Variants in C12orf56 observed in about 807,000 individuals in gnomAD.
C12orf56 encodes the protein uncharacterized protein C12orf56.
C12orf56 carries 71 observed loss-of-function variants against 69.9 expected under a neutral mutation model. That is an observed-to-expected ratio of 1.02 (90% CI 0.84 to 1.24). The LOEUF (loss-of-function observed/expected upper bound fraction) is 1.24, where lower values mean the gene tolerates loss of function less well. C12orf56 is among the 50% of genes most tolerant of loss of function. The pLI is 0.00. For missense variants in C12orf56, 732 were observed against 738.5 expected (o/e 0.99, Z 0.10); for synonymous variants, 276 against 274.1 (o/e 1.01, Z -0.07).
intron 6 of C12orf56, among the ~76,000 whole-genome samples, chr12:64,301,210 T>A (rs1048703179): frequency 6.6e-6 from 1 of 152,148 alleles, no homozygotes; most frequent in African/African-American, 2.4e-5. Flanking sequence ...TGAGTGGTTA[T>A]GTTAAATATT....
At chr12:64,324,350 C>A (rs1388363207) in intron 3 of C12orf56, among the ~76,000 whole-genome samples, 1 of 152,130 alleles carries the variant, frequency 6.6e-6, no homozygotes, top group African/African-American at 2.4e-5. Context: ...TACAAAAGTG[C>A]AATTGAAATC....
chr12:64,342,075 C>T (rs2039081352), intron 2 of C12orf56, among the ~76,000 whole-genome samples: 2 of 152,168 alleles, frequency 1.3e-5, no homozygotes, highest in Admixed American at 6.5e-5. Context: ...TGAGCACTCA[C>T]ATGGGATACA....
At chr12:64,267,330 C>T in intron 12 of C12orf56, 42 bp from the exon 13 acceptor site, 1 of 1,461,288 alleles carries the variant, frequency 6.8e-7, no homozygotes, top group Admixed American at 2.0e-5. Flanking sequence ...GTTTTAAAAA[C>T]AAGAATTTTC....
At chr12:64,389,579 C>T (rs1030839699) in intron 1 of C12orf56, among the ~76,000 whole-genome samples, 66 of 152,296 alleles carry the variant, frequency 4.3e-4, no homozygotes, top group African/African-American at 1.5e-3. Context: ...TCACGGCAAC[C>T]TCCGCCTCCC....
chr12:64,330,331 A>T (rs891613095), intron 3 of C12orf56, among the ~76,000 whole-genome samples: 5 of 152,044 alleles, frequency 3.3e-5, no homozygotes, highest in Non-Finnish European at 7.4e-5. Flanking sequence ...CCTATTTTCA[A>T]TCCCATGGGG....
chr12:64,277,683 A>C lies in C12orf56; in HGVS notation c.1431T>G (p.Ala477=), dbSNP rs746272762. Residue 477 remains alanine (A), a synonymous_variant, in exon 9 of 13, where the codon GCT becomes GCG. Transcript: ENST00000543942. ...ACCCCCCAAATTCTCATCTCACCTC[A>C]GCGTCAAAAGACATTCTGACTAAAG... The part of the protein sequence containing the change: ...DSALVRMSFD[A]ELQKLILEYT... 2 of 1,541,960 alleles carry C rather than the reference A, an allele frequency of 1.3e-6. No homozygotes were observed. The highest frequency in any genetic ancestry group is 4.7e-5 in the East Asian group (2 of 42,658).
chr12:64,375,165 C>G (rs2039624767), intron 1 of C12orf56, among the ~76,000 whole-genome samples: 1 of 152,038 alleles, frequency 6.6e-6, no homozygotes, highest in Non-Finnish European at 1.5e-5. Context: ...TCAAGCAATT[C>G]TCCTGCCTCA....
chr12:64,355,388 A>C (rs1485166554), intron 1 of C12orf56, among the ~76,000 whole-genome samples: 2 of 152,104 alleles, frequency 1.3e-5, no homozygotes, highest in African/African-American at 4.8e-5. Flanking sequence ...TCACCACTCA[A>C]CTTTCTCTGA....
intron 2 of C12orf56, among the ~76,000 whole-genome samples, chr12:64,345,463 A>G (rs1340367222): frequency 6.6e-6 from 1 of 152,200 alleles, no homozygotes; most frequent in Non-Finnish European, 1.5e-5. Context: ...CCCCAACTTC[A>G]TCAGGGTCCT....
intron 2 of C12orf56, among the ~76,000 whole-genome samples, chr12:64,340,756 A>G (rs7307687): frequency 0.76 from 115,969 of 152,136 alleles, 44,696 homozygotes; most frequent in East Asian, 0.91. Flanking sequence ...TGGTCACGTC[A>G]TCATAGCTGG....
chr12:64,265,100 T>G lies in C12orf56; in HGVS notation c.*2083A>C, dbSNP rs1322829877. 2 of 152,214 alleles carry G rather than the reference T, an allele frequency of 1.3e-5. No homozygotes were observed. Among genetic ancestry groups the G allele is most frequent in the African/African-American group, 2.4e-5 (1 of 41,430 alleles). 9.4% of individuals were successfully genotyped at this position (152,214 alleles called of 1,614,324 possible). ...GCGGAGAAGCTAAGGCAGAGCTGAG[T>G]TGATCCTCTCGTTGTCATCCTGCGG... is the stretch of plus-strand genomic sequence containing the variant. On this transcript the variant is annotated 3_prime_UTR_variant, in exon 13 of 13. Coordinates refer to ENST00000543942, the MANE Select transcript of C12orf56 (RefSeq NM_001170633.2).
At chr12:64,323,671 T>G (rs1441059602) in intron 3 of C12orf56, among the ~76,000 whole-genome samples, 1 of 149,670 alleles carries the variant, frequency 6.7e-6, no homozygotes, top group Non-Finnish European at 1.5e-5. Context: ...CAGCTAATTT[T>G]TGCTTTTTTG....
intron 5 of C12orf56, among the ~76,000 whole-genome samples, chr12:64,310,723 AT>A (rs80072778): frequency 5.3e-5 from 8 of 149,644 alleles, no homozygotes; most frequent in East Asian, 3.9e-4. Context: ...TTCTTTCTTT[AT>A]TTTTTTTTAT....
intron 2 of C12orf56, among the ~76,000 whole-genome samples, chr12:64,341,785 ACC>A (rs1331898168): frequency 6.6e-6 from 1 of 152,014 alleles, no homozygotes; most frequent in Admixed American, 6.6e-5. Flanking sequence ...CTGGCTGATC[ACC>A]CCGAGGAATG....
chr12:64,312,811 CT>C (rs1187781295), intron 4 of C12orf56, 59 bp from the exon 5 acceptor site: 80 of 1,227,186 alleles, frequency 6.5e-5, no homozygotes, highest in Non-Finnish European at 9.2e-5. Flanking sequence ...TCAATTCCCC[CT>C]ACCTTTAGTC....
chr12:64,363,606 A>G (rs2039426245), intron 1 of C12orf56, among the ~76,000 whole-genome samples: 1 of 152,152 alleles, frequency 6.6e-6, no homozygotes, highest in South Asian at 2.1e-4. Context: ...AGCACCTACT[A>G]TGTTCTCAAT....
chr12:64,314,594 AG>A (rs1304360040), intron 4 of C12orf56, among the ~76,000 whole-genome samples: 1 of 151,990 alleles, frequency 6.6e-6, no homozygotes, highest in East Asian at 1.9e-4. Context: ...GGCTTAAGAC[AG>A]GTCAGAAGGA....
intron 2 of C12orf56, 104 bp from the exon 3 acceptor site, chr12:64,331,136 C>T (rs1340780033): frequency 6.7e-6 from 7 of 1,050,956 alleles, no homozygotes; most frequent in South Asian, 6.6e-5. Flanking sequence ...CATAAATCCT[C>T]ACAAAAATTG....
chr12:64,344,944 C>A (rs560144984), intron 2 of C12orf56, among the ~76,000 whole-genome samples: 23 of 152,062 alleles, frequency 1.5e-4, no homozygotes, highest in Non-Finnish European at 2.8e-4. Context: ...TTTTTAACTC[C>A]CTGAGCTGCA....
Sources: gnomAD v4.1 joint callset for allele counts (sites outside exome capture counted in the v4.1 genomes callset) on GRCh38, gnomAD v4.1.1 for gene constraint, MANE v1.5 for transcripts, NCBI Gene and HGNC (gene_info 2026-07-23, HGNC 2026-07-21) for gene names.